The following TLK1 variants were observed in gnomAD, a reference collection of about 807,000 sequenced individuals.
The protein encoded by TLK1 is serine/threonine-protein kinase tousled-like 1.
Under a neutral mutation model 105.3 loss-of-function variants are expected in TLK1, and 24 were observed. The observed-to-expected ratio is 0.23, with a 90% confidence interval of 0.17 to 0.32. The LOEUF (loss-of-function observed/expected upper bound fraction) is 0.32, where lower values mean the gene tolerates loss of function less well. Among genes scored for constraint, TLK1 ranks in the 10% least tolerant of loss-of-function variants. The pLI, the probability that TLK1 is intolerant of heterozygous loss-of-function variation, is 1.00. For missense variants in TLK1, 558 were observed against 910.5 expected (o/e 0.61, Z 4.98); for synonymous variants, 321 against 310.4 (o/e 1.03, Z -0.36).
chr2:171,176,246 T>G lies in TLK1; in HGVS notation c.-6+54899A>C, dbSNP rs1006895192. Among the ~76,000 whole-genome samples, 4 of 152,136 alleles carry G rather than the reference T, an allele frequency of 2.6e-5. No individual in the cohort carries two copies. In the South Asian group the frequency reaches 8.3e-4, roughly 32 times the overall value. On this transcript the variant is annotated intron_variant, in intron 1 of 20. Coordinates refer to the TLK1 transcript ENST00000521943. Reference sequence around the variant, plus strand: ...TGAGCCACTGTGCCCGGCCGGGATATCAAGGGTTTTAAAGCAGTCCAGGTG... The same window carrying G: ...TGAGCCACTGTGCCCGGCCGGGATAGCAAGGGTTTTAAAGCAGTCCAGGTG...
At chr2:171,000,135 T>C (rs1034332402) in intron 18 of TLK1, among the ~76,000 whole-genome samples, 7 of 152,154 alleles carry the variant, frequency 4.6e-5, no homozygotes, top group Admixed American at 2.0e-4. Flanking sequence ...CCCAGCACTT[T>C]GGGAGGCCGA....
At chr2:171,007,540 T>G (rs1424404423) in intron 14 of TLK1, among the ~76,000 whole-genome samples, 1 of 152,012 alleles carries the variant, frequency 6.6e-6, no homozygotes, top group Admixed American at 6.6e-5. Context: ...TGAAAAAAAC[T>G]CGTTATTATA....
intron 3 of TLK1, among the ~76,000 whole-genome samples, chr2:171,076,324 AG>A (rs1410031120): frequency 2.6e-5 from 4 of 151,986 alleles, no homozygotes; most frequent in African/African-American, 9.7e-5. Flanking sequence ...TAAAAGGATG[AG>A]TTGAGTCCAA....
chr2:171,091,715 TTTGTTG>T (rs71399599), intron 2 of TLK1: 20,831 of 148,134 alleles, frequency 0.14, 1,634 homozygotes, highest in African/African-American at 0.21. Context: ...GGGGGGTGTC[TTTGTTG>T]TTGTTGTTGT....
chr2:171,011,263 G>C, intron 14 of TLK1, 110 bp downstream of exon 14: 1 of 877,366 alleles, frequency 1.1e-6, no homozygotes, highest in Non-Finnish European at 1.6e-6. Flanking sequence ...CAAAGCCCTG[G>C]GGTTACATGT....
At chr2:171,044,854 G>A (rs1178692228) in intron 11 of TLK1, among the ~76,000 whole-genome samples, 1 of 152,136 alleles carries the variant, frequency 6.6e-6, no homozygotes, top group East Asian at 1.9e-4. Context: ...TGCTACGTAA[G>A]TTAAAGACCC....
In TLK1 at chr2:171,006,158, T is replaced by C; in HGVS notation, c.1893A>G (p.Ala631=). 6.3e-7 allele frequency: 1 copy of C among 1,596,072 alleles called. No homozygotes were observed. The highest frequency in any genetic ancestry group is 8.5e-7 in the Non-Finnish European group (1 of 1,172,596). ...AGTAATACACTTACCAGTAAGTGCC[T>C]GCCCCCTGGGAAGTTAGATCCATTC... The part of the protein sequence containing the change: ...VDGMDLTSQG[A]GTYWYLPPEC... The change falls in exon 18 of 21, where the codon GCA becomes GCG. Residue 631 remains alanine (A), a synonymous_variant. Coordinates refer to ENST00000431350, the MANE Select transcript of TLK1 (RefSeq NM_012290.5).
At chr2:171,010,936 AGAC>A (rs1440519917) in intron 14 of TLK1, among the ~76,000 whole-genome samples, 1 of 152,226 alleles carries the variant, frequency 6.6e-6, no homozygotes, top group African/African-American at 2.4e-5. Flanking sequence ...TCTGGAAATA[AGAC>A]AACAGAAGCC....
intron 1 of TLK1, among the ~76,000 whole-genome samples, chr2:171,213,431 G>C (rs1693656123): frequency 6.6e-6 from 1 of 151,564 alleles, no homozygotes; most frequent in South Asian, 2.1e-4. Context: ...TTGAATTCCT[G>C]GGCTCAAGCA....
At position 171,160,313 on chromosome 2, in the gene TLK1, G is replaced by T. The variant is rs1692430261; in HGVS notation, c.116C>A (p.Pro39Gln). Residue 39 changes from proline to glutamine, a missense_variant, in exon 1 of 21, where the codon CCG (proline) becomes CAG (glutamine). Coordinates refer to ENST00000431350, the MANE Select transcript of TLK1 (RefSeq NM_012290.5). This position sits in a 1 kb window ranked among gnomAD's most constrained non-coding sequence, Gnocchi z 4.4. ...ACCTTCCCTGGGCCTCCCGGATGGC[G>T]GCGTGTGATTCAGCAGGGACCTGGC... is the stretch of plus-strand genomic sequence containing the variant. Reference protein sequence around the residue: ...AAARSLLNHTPPSGRPREGAM... With the variant: ...AAARSLLNHTQPSGRPREGAM... The T allele has an allele frequency of 6.3e-7, 1 of 1,590,182 alleles. No homozygotes were observed. Among genetic ancestry groups the T allele is most frequent in the African/African-American group, 1.4e-5 (1 of 72,500 alleles).
intron 1 of TLK1, among the ~76,000 whole-genome samples, chr2:171,157,042 GC>G: frequency 6.6e-6 from 1 of 152,172 alleles, no homozygotes; most frequent in Non-Finnish European, 1.5e-5. Flanking sequence ...CTGAGCTCAA[GC>G]AATCCACCTG....
intron 14 of TLK1, among the ~76,000 whole-genome samples, chr2:171,008,362 G>T (rs1684741779): frequency 6.6e-6 from 1 of 151,976 alleles, no homozygotes; most frequent in Admixed American, 6.6e-5. Flanking sequence ...TATTATTAAG[G>T]GTTAAGTGTA....
chr2:171,151,040 T>C (rs74592811), intron 1 of TLK1, among the ~76,000 whole-genome samples: 1 of 151,968 alleles, frequency 6.6e-6, no homozygotes, highest in East Asian at 1.9e-4. Context: ...TTTTTTTTTT[T>C]AGACAAGGCC....
intron 3 of TLK1, among the ~76,000 whole-genome samples, chr2:171,074,210 T>A (rs1424366038): frequency 2.6e-5 from 4 of 152,164 alleles, no homozygotes; most frequent in Non-Finnish European, 5.9e-5. Flanking sequence ...ATTTTTTATG[T>A]TACAAAATAA....
intron 1 of TLK1, among the ~76,000 whole-genome samples, chr2:171,123,908 T>C (rs1366517528): frequency 7.1e-6 from 1 of 140,476 alleles, no homozygotes; most frequent in Non-Finnish European, 1.6e-5. Flanking sequence ...TTGCCAAATA[T>C]TGATATTAAC....
intron 1 of TLK1, among the ~76,000 whole-genome samples, chr2:171,131,844 T>C (rs560957819): frequency 1.4e-4 from 21 of 152,198 alleles, no homozygotes; most frequent in Non-Finnish European, 3.1e-4. Flanking sequence ...TTTTTTTTTT[T>C]CCAACAATTG....
At chr2:171,121,698 A>C (rs549419806) in intron 1 of TLK1, among the ~76,000 whole-genome samples, 4 of 152,330 alleles carry the variant, frequency 2.6e-5, no homozygotes, top group African/African-American at 9.6e-5. Flanking sequence ...CTTTGACTTG[A>C]TAACTGGTTG....
chr2:171,064,112 T>C lies in TLK1; in HGVS notation c.331-2956A>G, dbSNP rs3770427. 1.6e-4 allele frequency among the ~76,000 whole-genome samples: 24 copies of C among 152,264 alleles called. No individual in the cohort carries two copies. The East Asian group carries it at 4.2e-3, about 27-fold the overall frequency. On this transcript the variant is annotated intron_variant, in intron 3 of 20. Coordinates refer to ENST00000431350, the MANE Select transcript of TLK1 (RefSeq NM_012290.5). ...AAAGCAAACGAATGCATTATAATTA[T>C]AGTAAAGAAGGCAACAAGTTTACCT...
At chr2:171,170,872 A>T (rs1378007504) in intron 1 of TLK1, among the ~76,000 whole-genome samples, 1 of 152,358 alleles carries the variant, frequency 6.6e-6, no homozygotes, top group East Asian at 1.9e-4. Context: ...TTAAACTAAA[A>T]AGAAAAACTT....
Sources: allele counts gnomAD v4.1 joint callset (sites outside exome capture counted in the v4.1 genomes callset), GRCh38; gene constraint gnomAD v4.1.1; non-coding constraint Gnocchi (gnomAD v3.1); transcripts MANE v1.5; gene names NCBI Gene and HGNC (gene_info 2026-07-23, HGNC 2026-07-21).